The following ASH1L variants were observed in gnomAD, a reference collection of about 807,000 sequenced individuals.
The protein encoded by ASH1L is ASH1 like histone lysine methyltransferase.
Under a neutral mutation model 269.0 loss-of-function variants are expected in ASH1L, and 23 were observed. The ratio of observed to expected loss-of-function variants is 0.09; its 90% CI spans 0.06 to 0.12. The LOEUF (loss-of-function observed/expected upper bound fraction) is 0.12, where lower values mean the gene tolerates loss of function less well. Among genes scored for constraint, ASH1L ranks in the 10% least tolerant of loss-of-function variants. ASH1L has a pLI of 1.00. For synonymous variants in ASH1L, 1,187 were observed against 1,253.5 expected, an observed-to-expected ratio of 0.95 and a Z score of 1.12; for missense variants, 2,912 against 3,567.8, an observed-to-expected ratio of 0.82 and a Z score of 4.68.
chr1:155,390,716 G>A (rs1245441226), intron 7 of ASH1L, among the ~76,000 whole-genome samples: 3 of 149,140 alleles, frequency 2.0e-5, no homozygotes, highest in Non-Finnish European at 4.4e-5. Flanking sequence ...CGTGATCTCG[G>A]CTCACTGCAA....
chr1:155,396,202 T>A (rs1271661375), intron 6 of ASH1L: 1 of 150,834 alleles, frequency 6.6e-6, no homozygotes. Context: ...CATAAATATA[T>A]AAAAGGGGGA....
At chr1:155,560,030 G>A (rs1460223581) in intron 1 of ASH1L, among the ~76,000 whole-genome samples, 1 of 152,110 alleles carries the variant, frequency 6.6e-6, no homozygotes, top group Non-Finnish European at 1.5e-5. Context: ...GTTTGCAGAT[G>A]ATAAAAAGAA....
At chr1:155,484,766 TAA>T (rs1334465198) in intron 2 of ASH1L, among the ~76,000 whole-genome samples, 1 of 148,518 alleles carries the variant, frequency 6.7e-6, no homozygotes, top group Non-Finnish European at 1.5e-5. Flanking sequence ...CCATCTCTAC[TAA>T]AACTACAAAT....
chr1:155,443,125 C>T (rs1023672541), intron 4 of ASH1L, among the ~76,000 whole-genome samples: 3 of 152,184 alleles, frequency 2.0e-5, no homozygotes, highest in African/African-American at 7.2e-5. Context: ...AATTCATTAA[C>T]ACGTAGTTGA....
intron 2 of ASH1L, among the ~76,000 whole-genome samples, chr1:155,488,954 C>T (rs1383363783): frequency 1.3e-5 from 2 of 152,114 alleles, no homozygotes; most frequent in African/African-American, 4.8e-5. Context: ...AAAGACTTTA[C>T]ATTTCAGATA....
rs887901933 is a variant in ASH1L, at chr1:155,526,389, T to C, written c.-99-4771A>G. On this transcript the variant is annotated intron_variant, in intron 1 of 27. Coordinates refer to ENST00000392403, the MANE Select transcript of ASH1L (RefSeq NM_018489.3). ...TTTCACATAGGTGGTTTTCTGTAAA[T>C]TTACTAAAATATCCTAATTTCAGCA... 3.3e-5 allele frequency among the ~76,000 whole-genome samples: 5 copies of C among 152,232 alleles called. No individual in the cohort carries two copies. The East Asian group carries it at 9.6e-4, about 29-fold the overall frequency.
chr1:155,502,918 G>T (rs1169520379), intron 2 of ASH1L, among the ~76,000 whole-genome samples: 2 of 152,174 alleles, frequency 1.3e-5, no homozygotes, highest in Non-Finnish European at 1.5e-5. Context: ...ATGCTTAGGA[G>T]AATTTCCATA....
At chr1:155,369,166 G>A (rs781044757) in intron 12 of ASH1L, among the ~76,000 whole-genome samples, 4 of 152,140 alleles carry the variant, frequency 2.6e-5, no homozygotes, top group Non-Finnish European at 5.9e-5. Flanking sequence ...ATTTCTAGAC[G>A]GGCGCGGTGG....
chr1:155,549,596 G>A (rs1210078257), intron 1 of ASH1L, among the ~76,000 whole-genome samples: 1 of 147,954 alleles, frequency 6.8e-6, no homozygotes, highest in Non-Finnish European at 1.5e-5. Context: ...TTGCACTCCA[G>A]CTTGGGTGAC....
chr1:155,350,660 C>CA (rs780095149), intron 17 of ASH1L, among the ~76,000 whole-genome samples: 1 of 152,200 alleles, frequency 6.6e-6, no homozygotes, highest in South Asian at 2.1e-4. Flanking sequence ...CGGTGGCTCA[C>CA]ACCTGTAATC....
intron 3 of ASH1L, among the ~76,000 whole-genome samples, chr1:155,464,074 T>C (rs1664505052): frequency 6.6e-6 from 1 of 152,188 alleles, no homozygotes; most frequent in Admixed American, 6.5e-5. Context: ...TGCTCAGTTT[T>C]TTCCCAAGGG....
chr1:155,551,468 G>A (rs1328806665), intron 1 of ASH1L, among the ~76,000 whole-genome samples: 4 of 151,308 alleles, frequency 2.6e-5, no homozygotes, highest in East Asian at 1.9e-4. Flanking sequence ...AGACCATCCC[G>A]GCTAAAACGG....
chr1:155,510,160 A>C (rs1402118479), intron 2 of ASH1L, among the ~76,000 whole-genome samples: 1 of 152,138 alleles, frequency 6.6e-6, no homozygotes, highest in East Asian at 1.9e-4. Context: ...TCGTGCCTAT[A>C]ATCCCAGCAC....
intron 3 of ASH1L, among the ~76,000 whole-genome samples, chr1:155,476,292 A>G (rs1307818179): frequency 1.3e-5 from 2 of 152,002 alleles, no homozygotes; most frequent in Admixed American, 1.3e-4. Flanking sequence ...AGGGTGAGGC[A>G]GGAGAATCGC....
At chr1:155,558,993 C>T (rs1161124288) in intron 1 of ASH1L, among the ~76,000 whole-genome samples, 1 of 151,142 alleles carries the variant, frequency 6.6e-6, no homozygotes, top group African/African-American at 2.4e-5. Context: ...TACCGGCACA[C>T]ACACCATGCC....
intron 5 of ASH1L, chr1:155,434,060 T>TA (rs1661866513): frequency 6.3e-7 from 1 of 1,592,118 alleles, no homozygotes; most frequent in Non-Finnish European, 8.5e-7. Context: ...CGACTATGCA[T>TA]AACGAGAGGA....
intron 15 of ASH1L, among the ~76,000 whole-genome samples, chr1:155,356,616 C>T (rs1034316331): frequency 6.1e-5 from 9 of 148,408 alleles, no homozygotes; most frequent in Non-Finnish European, 1.3e-4. Context: ...GCACTCCAGC[C>T]TGGGCGACAC....
intron 1 of ASH1L, among the ~76,000 whole-genome samples, chr1:155,528,895 T>C (rs1290988739): frequency 6.6e-6 from 1 of 152,086 alleles, no homozygotes; most frequent in East Asian, 1.9e-4. Flanking sequence ...TGTTCCCCTC[T>C]ATGTGTCCAT....
rs1433230103 is a variant in ASH1L at position 155,352,754 on chromosome 1, G to C, written c.7318C>G (p.Leu2440Val). 6.2e-7 allele frequency: 1 copy of C among 1,614,020 alleles called. No homozygotes were observed. Among genetic ancestry groups the C allele is most frequent in the South Asian group, 1.1e-5 (1 of 91,052 alleles). ...CAAATTTCTTTGAAGATCTGGGCTAGGCGGGCTGCCCGAGCCACTTCAATA... is the reference window on the plus strand; with the variant it reads ...CAAATTTCTTTGAAGATCTGGGCTACGCGGGCTGCCCGAGCCACTTCAATA... ...ENIEVARAAR[L>V]AQIFKEICDG... The change falls in exon 17 of 28, where the codon CTA becomes GTA. Residue 2440 changes from leucine to valine, a missense_variant. This residue lies in a region of ASH1L where 309 missense variants were observed against 435.1 expected (regional missense o/e 0.71). Transcript: ENST00000392403.
Sources: gnomAD v4.1 joint callset for allele counts (sites outside exome capture counted in the v4.1 genomes callset) on GRCh38, gnomAD v4.1.1 for gene constraint, gnomAD v4.1.1 regional missense constraint, MANE v1.5 for transcripts, NCBI Gene and HGNC (gene_info 2026-07-23, HGNC 2026-07-21) for gene names.